The following KIFAP3 variants were observed in gnomAD, a reference collection of about 807,000 sequenced individuals.
KIFAP3 encodes the protein kinesin-associated protein 3.
KIFAP3 carries 68 observed loss-of-function variants against 106.5 expected under a neutral mutation model. That is an observed-to-expected ratio of 0.64 (90% CI 0.53 to 0.78). The LOEUF (loss-of-function observed/expected upper bound fraction) is 0.78. Ranked by LOEUF, KIFAP3 falls within the 30% of genes least tolerant of loss-of-function variation. The probability of loss-of-function intolerance (pLI) is 0.00; values close to 1 mark genes in which losing one functional copy is unlikely to be tolerated. For synonymous variants in KIFAP3, 320 were observed against 311.5 expected, an observed-to-expected ratio of 1.03 and a Z score of -0.29; for missense variants, 780 against 941.8, an observed-to-expected ratio of 0.83 and a Z score of 2.25.
At chr1:170,060,345 C>T (rs1054215947) in intron 1 of KIFAP3, among the ~76,000 whole-genome samples, 1 of 152,206 alleles carries the variant, frequency 6.6e-6, no homozygotes, top group Admixed American at 6.5e-5. Context: ...GCAAAAATCA[C>T]AGGCGTTCCT....
chr1:170,022,772 T>G (rs1478571242), intron 9 of KIFAP3, among the ~76,000 whole-genome samples: 1 of 152,190 alleles, frequency 6.6e-6, no homozygotes, highest in Non-Finnish European at 1.5e-5. Context: ...CAGTTTTTCC[T>G]CAATAAAAAA....
At chr1:170,052,532 C>T (rs1410018640) in intron 2 of KIFAP3, among the ~76,000 whole-genome samples, 1 of 151,892 alleles carries the variant, frequency 6.6e-6, no homozygotes, top group African/African-American at 2.4e-5. Context: ...GGCAGAGACA[C>T]AACAAAAAAA....
intron 8 of KIFAP3, among the ~76,000 whole-genome samples, chr1:170,031,120 T>C (rs907324999): frequency 6.6e-6 from 1 of 151,828 alleles, no homozygotes; most frequent in African/African-American, 2.4e-5. Flanking sequence ...TTGGATTATA[T>C]GCTAACACAG....
intron 19 of KIFAP3, among the ~76,000 whole-genome samples, chr1:169,931,777 A>G (rs750801842): frequency 6.6e-6 from 1 of 152,200 alleles, no homozygotes; most frequent in Non-Finnish European, 1.5e-5. Context: ...ACTAGAGAAT[A>G]TCATGTAAGT....
intron 17 of KIFAP3, among the ~76,000 whole-genome samples, chr1:169,968,312 G>A (rs761971043): frequency 6.6e-6 from 1 of 151,750 alleles, no homozygotes; most frequent in African/African-American, 2.4e-5. Flanking sequence ...CCTATTATCA[G>A]AGCCTGTTCA....
Position 170,027,717 on chromosome 1 carries a change from T to C in KIFAP3, c.842-3121A>G, listed in dbSNP as rs572003407. Among the ~76,000 whole-genome samples the C allele has an allele frequency of 3.3e-5, 5 of 152,222 alleles. No individual in the cohort carries two copies. In the South Asian group the frequency reaches 1.0e-3, roughly 32 times the overall value. On this transcript the variant is annotated intron_variant, in intron 8 of 19. Transcript: ENST00000361580. Reference sequence around the variant, plus strand: ...TGTGGAACAACTTCGAGTGGCCTAATATATGTTTAACTGAAGTCCCTGAAA... The same window carrying C: ...TGTGGAACAACTTCGAGTGGCCTAACATATGTTTAACTGAAGTCCCTGAAA...
In KIFAP3 at chr1:170,011,597, G is replaced by A. The variant is rs6673861; in HGVS notation, c.1183+4865C>T. Among the ~76,000 whole-genome samples the A allele has an allele frequency of 5.4e-3, 822 of 151,954 alleles. 4 individuals carry two copies. Among genetic ancestry groups the A allele is most frequent in the Non-Finnish European group, 8.4e-3 (573 of 67,852 alleles). On this transcript the variant is annotated intron_variant, in intron 10 of 19. Transcript: ENST00000361580. The stretch of plus-strand genomic sequence containing the variant: ...ACACATGTGAGGGTTGGGCTACACT[G>A]TAAAATACATATTTAAAATAATATA...
chr1:170,070,103 G>A (rs150441330), intron 1 of KIFAP3, among the ~76,000 whole-genome samples: 143 of 152,092 alleles, frequency 9.4e-4, no homozygotes, highest in Non-Finnish European at 1.7e-3. Context: ...AGGAGTAAAC[G>A]TAACCAAGGA....
At chr1:170,016,368 C>T (rs982727066) in intron 10 of KIFAP3, 94 bp downstream of exon 10, 186 of 929,506 alleles carry the variant, frequency 2.0e-4, no homozygotes, top group Admixed American at 2.6e-4. Context: ...AGACAGAATG[C>T]TTTTTGTTCA....
chr1:169,996,149 T>C (rs1216418470), intron 10 of KIFAP3, among the ~76,000 whole-genome samples: 1 of 152,182 alleles, frequency 6.6e-6, no homozygotes, highest in African/African-American at 2.4e-5. Flanking sequence ...AATTCTGCTC[T>C]TATGTACTTT....
chr1:170,072,597 T>C (rs1671756647), intron 1 of KIFAP3, among the ~76,000 whole-genome samples: 1 of 152,174 alleles, frequency 6.6e-6, no homozygotes, highest in Non-Finnish European at 1.5e-5. Context: ...AAAAAAATTA[T>C]TTTTGTAAAA....
chr1:170,018,359 T>C (rs929617699), intron 9 of KIFAP3, among the ~76,000 whole-genome samples: 9 of 152,090 alleles, frequency 5.9e-5, no homozygotes, highest in African/African-American at 1.9e-4. Context: ...GATTATAAAA[T>C]TGCATTAAGA....
At chr1:169,966,064 A>G (rs1665598022) in intron 17 of KIFAP3, among the ~76,000 whole-genome samples, 1 of 151,932 alleles carries the variant, frequency 6.6e-6, no homozygotes. Context: ...GGTAGCAATG[A>G]TACAGATTGT....
chr1:170,033,254 G>A (rs1669507125), intron 7 of KIFAP3, among the ~76,000 whole-genome samples: 1 of 151,732 alleles, frequency 6.6e-6, no homozygotes, highest in Non-Finnish European at 1.5e-5. Flanking sequence ...GGAGTTCCAT[G>A]TGACAACAGT....
At chr1:169,926,406 T>C (rs937583176) in intron 19 of KIFAP3, among the ~76,000 whole-genome samples, 1 of 152,164 alleles carries the variant, frequency 6.6e-6, no homozygotes, top group Non-Finnish European at 1.5e-5. Context: ...ATGAAGAAGC[T>C]AAAATTAACG....
intron 2 of KIFAP3, 31 bp downstream of exon 2, chr1:170,055,274 C>T (rs1238830480): frequency 6.3e-7 from 1 of 1,578,316 alleles, no homozygotes; most frequent in Non-Finnish European, 8.6e-7. Context: ...ATGTTCACTA[C>T]TTTCAAAATG....
intron 10 of KIFAP3, among the ~76,000 whole-genome samples, chr1:170,007,211 G>A (rs1291028616): frequency 6.6e-6 from 1 of 151,880 alleles, no homozygotes; most frequent in Non-Finnish European, 1.5e-5. Context: ...GTGAAGGGTG[G>A]GAGTGACAGC....
At chr1:170,040,933 C>T (rs1441535042) in intron 3 of KIFAP3, among the ~76,000 whole-genome samples, 1 of 151,506 alleles carries the variant, frequency 6.6e-6, no homozygotes, top group South Asian at 2.1e-4. Flanking sequence ...TCAAGCAATT[C>T]TCCTGCCTCA....
At chr1:170,033,964 G>C (rs886264536) in intron 7 of KIFAP3, among the ~76,000 whole-genome samples, 2 of 151,598 alleles carry the variant, frequency 1.3e-5, no homozygotes, top group East Asian at 3.9e-4. Context: ...CCTTTAACTA[G>C]GTTCATCACC....
Sources: allele counts gnomAD v4.1 joint callset (sites outside exome capture counted in the v4.1 genomes callset), GRCh38; gene constraint gnomAD v4.1.1; transcripts MANE v1.5; gene names NCBI Gene and HGNC (gene_info 2026-07-23, HGNC 2026-07-21).